The following TTLL11 variants were observed in gnomAD, a reference collection of about 807,000 sequenced individuals.
TTLL11 encodes tubulin tyrosine ligase like 11.
Under a neutral mutation model 51.7 loss-of-function variants are expected in TTLL11, and 42 were observed. That is an observed-to-expected ratio of 0.81 (90% CI 0.64 to 1.05). The LOEUF (loss-of-function observed/expected upper bound fraction) is 1.05, where lower values mean the gene tolerates loss of function less well. Ranked by LOEUF, TTLL11 falls within the 50% of genes least tolerant of loss-of-function variation. The pLI is 0.00. For missense variants in TTLL11, 799 were observed against 940.4 expected (o/e 0.85, Z 1.97); for synonymous variants, 381 against 383.5 (o/e 0.99, Z 0.08).
intron 8 of TTLL11, among the ~76,000 whole-genome samples, chr9:121,833,449 A>G (rs118002057): frequency 1.9e-3 from 289 of 152,182 alleles, no homozygotes; most frequent in Middle Eastern, 6.8e-3. Flanking sequence ...CAATAATCTC[A>G]TCATCTCTTC....
intron 6 of TTLL11, among the ~76,000 whole-genome samples, chr9:121,942,825 T>C (rs1841532375): frequency 6.6e-6 from 1 of 150,802 alleles, no homozygotes; most frequent in Non-Finnish European, 1.5e-5. Flanking sequence ...CACTGCCTGA[T>C]GATTTTCCCT....
intron 4 of TTLL11, among the ~76,000 whole-genome samples, chr9:121,977,232 T>C (rs1470614652): frequency 6.6e-6 from 1 of 152,194 alleles, no homozygotes; most frequent in Non-Finnish European, 1.5e-5. Context: ...TGTATAGGAA[T>C]GCTTTGGAGT....
chr9:121,892,921 C>T (rs1466140923), intron 6 of TTLL11, among the ~76,000 whole-genome samples: 1 of 152,058 alleles, frequency 6.6e-6, no homozygotes, highest in Non-Finnish European at 1.5e-5. Context: ...TGAAGGGGGC[C>T]CCAGTTGGAA....
In TTLL11 at chr9:121,989,252, G is replaced by A. The variant is rs752608862; in HGVS notation, c.1212C>T (p.Leu404=). ...GGATGTCTGACTGGTAGAAGACTTT[G>A]AGCTCTGGAGTCAGCGCGATGACCG... is the stretch of plus-strand genomic sequence containing the variant. The part of the protein sequence containing the change: ...IKTVIALTPE[L]KVFYQSDIPT... The change falls in exon 4 of 9, where the codon CTC becomes CTT. Residue 404 remains leucine (L), a synonymous_variant. Coordinates refer to ENST00000321582, the MANE Select transcript of TTLL11 (RefSeq NM_001139442.2). The surrounding 1 kb of genome is among the most constrained non-coding windows in gnomAD (Gnocchi z 4.2). The A allele has an allele frequency of 6.2e-7, 1 of 1,614,154 alleles. No individual in the cohort carries two copies. The highest frequency in any genetic ancestry group is 1.7e-5 in the Admixed American group (1 of 60,020).
chr9:122,053,509 A>T (rs1845217226), intron 1 of TTLL11, among the ~76,000 whole-genome samples: 1 of 151,940 alleles, frequency 6.6e-6, no homozygotes, highest in Non-Finnish European at 1.5e-5. Context: ...CTGGAGCTTG[A>T]CTCTGCAGGT....
intron 1 of TTLL11, among the ~76,000 whole-genome samples, chr9:122,061,108 C>T (rs146233970): frequency 1.4e-4 from 22 of 152,302 alleles, no homozygotes; most frequent in African/African-American, 5.3e-4. Context: ...GCCTTGTTCA[C>T]ACATCACTCC....
chr9:121,962,285 G>A (rs541048964), intron 6 of TTLL11, among the ~76,000 whole-genome samples: 24 of 152,092 alleles, frequency 1.6e-4, no homozygotes, highest in African/African-American at 5.1e-4. Context: ...ATTTTAATAC[G>A]AAATGGGCAG....
At chr9:121,847,560 G>A (rs1837553753) in intron 8 of TTLL11, among the ~76,000 whole-genome samples, 2 of 152,092 alleles carry the variant, frequency 1.3e-5, no homozygotes, top group South Asian at 4.1e-4. Flanking sequence ...AGATAAAATA[G>A]ATCCATTCCT....
rs41273744 is a variant in TTLL11 at position 121,989,074 on chromosome 9, C to A, written c.1269+121G>T. 6.6e-7 allele frequency: 1 copy of A among 1,523,512 alleles called. No individual in the cohort carries two copies. Among genetic ancestry groups the A allele is most frequent in the South Asian group, 1.3e-5 (1 of 76,068 alleles). The allele number at this position is 1,523,512 out of a possible 1,614,324, so 94.4% of individuals were successfully genotyped here. On this transcript the variant is annotated intron_variant, in intron 4 of 8. Transcript: ENST00000321582. This position sits in a 1 kb window ranked among gnomAD's most constrained non-coding sequence, Gnocchi z 4.2. Reference sequence around the variant, plus strand: ...AGGTTTAACACCCAAGCCCACAGCACCACCAACACTGTCCCCTCCTCTGGC... The same window carrying A: ...AGGTTTAACACCCAAGCCCACAGCAACACCAACACTGTCCCCTCCTCTGGC...
chr9:122,031,813 C>T lies in TTLL11; in HGVS notation c.603G>A (p.Val201=). The part of the protein sequence containing the change: ...MVRKITLSRA[V]RTMQNLFPEE... ...CAGGAAAGAGATTCTGCATGGTTCTCACTGCTCTGCTCAGAGTAATTTTAC... is the reference window on the plus strand; with the variant it reads ...CAGGAAAGAGATTCTGCATGGTTCTTACTGCTCTGCTCAGAGTAATTTTAC... The change falls in exon 3 of 9, where the codon GTG becomes GTA. Residue 201 remains valine, a synonymous_variant. Transcript: ENST00000321582. 2 of 1,614,102 alleles carry T rather than the reference C, an allele frequency of 1.2e-6. No individual in the cohort carries two copies. Among genetic ancestry groups the T allele is most frequent in the Admixed American group, 1.7e-5 (1 of 60,024 alleles).
chr9:121,824,478 CAA>C (rs35905457), intron 8 of TTLL11, among the ~76,000 whole-genome samples: 9 of 110,378 alleles, frequency 8.2e-5, no homozygotes, highest in African/African-American at 1.0e-4. Context: ...GACTCCATCT[CAA>C]AAAAAAAAAA....
chr9:122,029,635 G>GT (rs935278643), intron 3 of TTLL11, among the ~76,000 whole-genome samples: 1 of 152,122 alleles, frequency 6.6e-6, no homozygotes, highest in Non-Finnish European at 1.5e-5. Context: ...AGTCTAAAAG[G>GT]TTTTTAAAAA....
At chr9:122,081,371 A>G (rs1846001021) in intron 1 of TTLL11, among the ~76,000 whole-genome samples, 1 of 152,236 alleles carries the variant, frequency 6.6e-6, no homozygotes, top group Non-Finnish European at 1.5e-5. Flanking sequence ...TTTGCCATAC[A>G]TGTTACCTAT....
intron 8 of TTLL11, among the ~76,000 whole-genome samples, chr9:121,855,881 C>T (rs934306810): frequency 4.6e-5 from 7 of 152,180 alleles, no homozygotes; most frequent in Non-Finnish European, 8.8e-5. Context: ...TGCTACGTGC[C>T]TTGTATGCGT....
chr9:121,951,348 A>T (rs558018700), intron 6 of TTLL11, among the ~76,000 whole-genome samples: 22 of 152,322 alleles, frequency 1.4e-4, no homozygotes, highest in African/African-American at 4.8e-4. Context: ...GCCACCAGGT[A>T]TTCCCAGCCT....
chr9:121,904,043 C>T (rs1351314980), intron 6 of TTLL11, among the ~76,000 whole-genome samples: 3 of 152,204 alleles, frequency 2.0e-5, no homozygotes, highest in Admixed American at 6.5e-5. Flanking sequence ...AAACATAAAC[C>T]GCGTTAATTC....
rs573348109 is a variant in TTLL11 at position 122,074,774 on chromosome 9, G to A, written c.462+17913C>T. Reference sequence around the variant, plus strand: ...AAAATAGCTGAGTGGGTTGGCATGAGCCTAGTCCCAGCTACTCGGAAGGCT... The same window carrying A: ...AAAATAGCTGAGTGGGTTGGCATGAACCTAGTCCCAGCTACTCGGAAGGCT... On this transcript the variant is annotated intron_variant, in intron 1 of 8. Transcript: ENST00000321582. 4.6e-5 allele frequency among the ~76,000 whole-genome samples: 7 copies of A among 151,510 alleles called. No homozygotes were observed. The East Asian group carries it at 1.4e-3, about 29-fold the overall frequency.
chr9:122,042,317 C>T (rs1844869247), intron 1 of TTLL11, among the ~76,000 whole-genome samples: 1 of 152,172 alleles, frequency 6.6e-6, no homozygotes, highest in Non-Finnish European at 1.5e-5. Context: ...TCTCACATTT[C>T]CTGATGCCAA....
intron 3 of TTLL11, among the ~76,000 whole-genome samples, chr9:122,006,969 G>A (rs147093099): frequency 5.7e-4 from 64 of 113,184 alleles, no homozygotes; most frequent in African/African-American, 1.9e-3. Context: ...GTGGCAGAGC[G>A]AGATACTCTG....
Sources: allele counts gnomAD v4.1 joint callset (sites outside exome capture counted in the v4.1 genomes callset), GRCh38; gene constraint gnomAD v4.1.1; non-coding constraint Gnocchi (gnomAD v3.1); transcripts MANE v1.5; gene names NCBI Gene and HGNC (gene_info 2026-07-23, HGNC 2026-07-21).